The following PLOD2 variants were observed in gnomAD, a reference collection of about 807,000 sequenced individuals.
PLOD2 encodes lysine hydroxylase 2.
Under a neutral mutation model 101.0 loss-of-function variants are expected in PLOD2, and 65 were observed. The observed-to-expected ratio is 0.64, with a 90% CI of 0.53 to 0.79. The LOEUF is 0.79. PLOD2 is among the 30% of genes least tolerant of loss of function. PLOD2 has a pLI of 0.00. For missense variants in PLOD2, 909 were observed against 914.6 expected (o/e 0.99, Z 0.08); for synonymous variants, 314 against 302.9 (o/e 1.04, Z -0.38).
intron 11 of PLOD2, among the ~76,000 whole-genome samples, chr3:146,083,205 A>G (rs1382992207): frequency 1.3e-5 from 2 of 152,210 alleles, no homozygotes; most frequent in African/African-American, 4.8e-5. Flanking sequence ...TGTTTTTGTG[A>G]ATAAAAATGT....
chr3:146,157,251 T>C (rs1183223600), intron 1 of PLOD2, among the ~76,000 whole-genome samples: 1 of 152,182 alleles, frequency 6.6e-6, no homozygotes, highest in Non-Finnish European at 1.5e-5. Context: ...AACAACAGTG[T>C]AGATACTGAA....
At chr3:146,101,404 A>G (rs1937384966) in intron 7 of PLOD2, among the ~76,000 whole-genome samples, 1 of 152,238 alleles carries the variant, frequency 6.6e-6, no homozygotes, top group Non-Finnish European at 1.5e-5. Context: ...TAGAGATTGA[A>G]GAGGAAAGCC....
chr3:146,108,653 T>C (rs1395868152), intron 4 of PLOD2, among the ~76,000 whole-genome samples: 1 of 152,214 alleles, frequency 6.6e-6, no homozygotes, highest in African/African-American at 2.4e-5. Flanking sequence ...TGCTTCGATG[T>C]CCTTTTATGA....
At chr3:146,077,353 G>A (rs4681294) in intron 14 of PLOD2, 83,167 of 179,440 alleles carry the variant, frequency 0.46, 19,439 homozygotes, top group East Asian at 0.56. Flanking sequence ...ATGTTTAAAG[G>A]CTAACACGCA....
chr3:146,133,614 G>A (rs2031054089), intron 1 of PLOD2, among the ~76,000 whole-genome samples: 1 of 152,122 alleles, frequency 6.6e-6, no homozygotes, highest in East Asian at 1.9e-4. Context: ...TCCCTTCCCA[G>A]AAACAGAGAG....
intron 12 of PLOD2, 83 bp downstream of exon 12, chr3:146,081,654 CA>C: frequency 1.1e-4 from 127 of 1,203,114 alleles, no homozygotes; most frequent in South Asian, 2.2e-4. Context: ...GAGATGAATG[CA>C]AAAAAAATTT....
chr3:146,112,363 T>G (rs1464075146), intron 3 of PLOD2, among the ~76,000 whole-genome samples: 1 of 152,056 alleles, frequency 6.6e-6, no homozygotes, highest in Admixed American at 6.5e-5. Context: ...TGGATGAAGG[T>G]GGAATCCCAT....
At chr3:146,077,477 T>C in intron 14 of PLOD2, 1 of 173,596 alleles carries the variant, frequency 5.8e-6, no homozygotes, top group Non-Finnish European at 1.2e-5. Context: ...GGACCTGTTT[T>C]AATAGTAAAA....
intron 1 of PLOD2, among the ~76,000 whole-genome samples, chr3:146,158,319 CCAAAATCTTATTTAGT>C (rs1408897264): frequency 6.6e-6 from 1 of 152,044 alleles, no homozygotes; most frequent in African/African-American, 2.4e-5. Context: ...ATTATTTTAG[CCAAAATCTTATTTAGT>C]CTTTCCATGC....
chr3:146,099,232 T>C (rs779992808), intron 7 of PLOD2, among the ~76,000 whole-genome samples: 3 of 152,190 alleles, frequency 2.0e-5, no homozygotes, highest in Non-Finnish European at 4.4e-5. Context: ...TTCTAAATGA[T>C]TAAGGATTAG....
chr3:146,083,627 G>A (rs1347677085), intron 11 of PLOD2, among the ~76,000 whole-genome samples: 1 of 146,468 alleles, frequency 6.8e-6, no homozygotes, highest in Non-Finnish European at 1.5e-5. Flanking sequence ...TGTCGCCCAG[G>A]CTAGAGTGCA....
rs140065447 is a variant in PLOD2 at position 146,104,199 on chromosome 3, T to A, written c.679+80A>T. The A allele has an allele frequency of 4.3e-5, 36 of 844,688 alleles. No homozygotes were observed. In the African/African-American group the frequency reaches 5.6e-4, roughly 13 times the overall value. The allele number at this position is 844,688 out of a possible 1,614,324, so 52.3% of individuals were successfully genotyped here. A position where few individuals can be genotyped will look rare whatever the true frequency, so the allele number is the denominator to read the frequency against. ...GTCGACCTTAGTCACAGCCCCCAAA[T>A]GGACATAACAAAGGAAAGATAGTTG... On this transcript the variant is annotated intron_variant, in intron 6 of 19. Transcript: ENST00000282903.
At chr3:146,128,229 A>G (rs984106232) in intron 1 of PLOD2, among the ~76,000 whole-genome samples, 1 of 152,166 alleles carries the variant, frequency 6.6e-6, no homozygotes, top group African/African-American at 2.4e-5. Flanking sequence ...ATGGTGCTTC[A>G]ATAACAGGCA....
chr3:146,094,387 C>T (rs544185291), intron 7 of PLOD2, among the ~76,000 whole-genome samples: 1 of 94,902 alleles, frequency 1.1e-5, no homozygotes, highest in South Asian at 3.4e-4. Context: ...TAGCTCTTCC[C>T]CTGTTTATCT....
intron 7 of PLOD2, among the ~76,000 whole-genome samples, chr3:146,094,968 G>A (rs1559844911): frequency 6.6e-6 from 1 of 152,102 alleles, no homozygotes; most frequent in Admixed American, 6.5e-5. Context: ...CAAGCAATGG[G>A]GAAAGGATTC....
intron 1 of PLOD2, among the ~76,000 whole-genome samples, chr3:146,140,427 T>A (rs1447186580): frequency 6.6e-6 from 1 of 152,094 alleles, no homozygotes; most frequent in Non-Finnish European, 1.5e-5. Context: ...CAGTGTTTTG[T>A]CAGCTTCAAC....
intron 1 of PLOD2, among the ~76,000 whole-genome samples, chr3:146,155,679 C>T (rs2032272564): frequency 6.9e-6 from 1 of 144,924 alleles, no homozygotes; most frequent in Non-Finnish European, 1.5e-5. Flanking sequence ...CACGCCACTG[C>T]ACTCCAGCCT....
At chr3:146,096,882 G>GGC (rs1553733071) in intron 7 of PLOD2, among the ~76,000 whole-genome samples, 1 of 76,286 alleles carries the variant, frequency 1.3e-5, no homozygotes, top group East Asian at 4.7e-4. Flanking sequence ...GAGGGAGGTG[G>GGC]GGGGGGGGAG....
rs183525329 is a variant in PLOD2, at chr3:146,077,103, T to C, written c.1564-208A>G. The C allele has an allele frequency of 1.6e-5, 19 of 1,225,794 alleles. No homozygotes were observed. In the Admixed American group the frequency reaches 4.9e-4, roughly 32 times the overall value. The allele number at this position is 1,225,794 out of a possible 1,614,324, so 75.9% of individuals were successfully genotyped here. A position where few individuals can be genotyped will look rare whatever the true frequency, so the allele number is the denominator to read the frequency against. On this transcript the variant is annotated intron_variant, in intron 14 of 19. Coordinates refer to ENST00000282903, the MANE Select transcript of PLOD2 (RefSeq NM_182943.3). ...TCAGACACCACACAAAACTAGTAGA[T>C]AGCACTGACACTCAACTGAAAAAAA...
Sources: gnomAD v4.1 joint callset for allele counts (sites outside exome capture counted in the v4.1 genomes callset) on GRCh38, gnomAD v4.1.1 for gene constraint, MANE v1.5 for transcripts, NCBI Gene and HGNC (gene_info 2026-07-23, HGNC 2026-07-21) for gene names.